The following AFG2A variants were observed in gnomAD, a reference collection of about 807,000 sequenced individuals.
AFG2A encodes AAA ATPase AFG2A.
At chr4:123,155,875 A>G in the AFG2A span, among the ~76,000 whole-genome samples, 1 of 152,152 alleles carries the variant, frequency 6.6e-6, no homozygotes, top group South Asian at 2.1e-4. Flanking sequence ...GCATAGTTTG[A>G]TTTTGTTTTA....
At chr4:122,941,982 C>T in the AFG2A span, among the ~76,000 whole-genome samples, 1 of 151,996 alleles carries the variant, frequency 6.6e-6, no homozygotes, top group Admixed American at 6.6e-5. Flanking sequence ...AGGGATGAAG[C>T]CCGCTTGATC....
chr4:122,961,033 G>C, the AFG2A span, among the ~76,000 whole-genome samples: 1 of 152,184 alleles, frequency 6.6e-6, no homozygotes, highest in Non-Finnish European at 1.5e-5. Flanking sequence ...ACATTCAGAT[G>C]CTATCATTAT....
chr4:123,247,783 C>CA, the AFG2A span, among the ~76,000 whole-genome samples: 2 of 151,940 alleles, frequency 1.3e-5, no homozygotes, highest in African/African-American at 2.4e-5. Context: ...TCTGCTTTTC[C>CA]AAAAAAGTTT....
the AFG2A span, among the ~76,000 whole-genome samples, chr4:123,124,569 A>T: frequency 2.0e-5 from 3 of 152,162 alleles, no homozygotes; most frequent in Non-Finnish European, 4.4e-5. Context: ...GCACACCAAC[A>T]TGGCACATGT....
At chr4:122,979,702 A>G in the AFG2A span, among the ~76,000 whole-genome samples, 3 of 152,246 alleles carry the variant, frequency 2.0e-5, no homozygotes, top group Admixed American at 2.0e-4. Context: ...CAGGAGTTTG[A>G]GACCAGCCTG....
chr4:123,063,915 C>T, the AFG2A span, among the ~76,000 whole-genome samples: 4 of 152,070 alleles, frequency 2.6e-5, no homozygotes, highest in South Asian at 2.1e-4. Flanking sequence ...TGGTAATTAG[C>T]CATGAAGCAG....
At chr4:123,112,671 T>A in the AFG2A span, among the ~76,000 whole-genome samples, 12 of 152,166 alleles carry the variant, frequency 7.9e-5, no homozygotes, top group Non-Finnish European at 1.6e-4. Context: ...GATAATGAAT[T>A]TTTTTTATAT....
the AFG2A span, among the ~76,000 whole-genome samples, chr4:123,095,293 AT>A: frequency 2.0e-5 from 3 of 151,682 alleles, no homozygotes; most frequent in East Asian, 5.8e-4. Context: ...TGGAACATGA[AT>A]TTTTTTTAAC....
At chr4:123,180,528 A>G in the AFG2A span, among the ~76,000 whole-genome samples, 1 of 152,096 alleles carries the variant, frequency 6.6e-6, no homozygotes, top group African/African-American at 2.4e-5. Flanking sequence ...AGGTAAGCTA[A>G]ATTCTTATTT....
At chr4:123,093,774 G>T in the AFG2A span, among the ~76,000 whole-genome samples, 1 of 152,110 alleles carries the variant, frequency 6.6e-6, no homozygotes, top group African/African-American at 2.4e-5. Flanking sequence ...CCAACAGCAG[G>T]ATATTTTCAT....
At chr4:123,161,310 A>G in the AFG2A span, among the ~76,000 whole-genome samples, 2 of 152,218 alleles carry the variant, frequency 1.3e-5, no homozygotes, top group East Asian at 1.9e-4. Flanking sequence ...AGCTTAAGAC[A>G]TAAAACTAAT....
chr4:123,132,844 G>A, the AFG2A span, among the ~76,000 whole-genome samples: 4 of 147,916 alleles, frequency 2.7e-5, no homozygotes, highest in South Asian at 2.1e-4. Flanking sequence ...GCAGTGGTGC[G>A]ATCTTGGCTC....
At chr4:123,057,764 C>G in the AFG2A span, among the ~76,000 whole-genome samples, 2 of 152,074 alleles carry the variant, frequency 1.3e-5, no homozygotes, top group Non-Finnish European at 2.9e-5. Context: ...TCCAAAATCT[C>G]AGGCAGTAAA....
At chr4:123,124,263 A>T in the AFG2A span, among the ~76,000 whole-genome samples, 4 of 152,328 alleles carry the variant, frequency 2.6e-5, no homozygotes, top group Middle Eastern at 3.4e-3. Context: ...GATAGACTGG[A>T]TTAAGAAAAT....
chr4:122,945,281 T>C, the AFG2A span, among the ~76,000 whole-genome samples: 6 of 152,354 alleles, frequency 3.9e-5, no homozygotes, highest in African/African-American at 1.4e-4. Flanking sequence ...TGAGCTGTGG[T>C]GGGCTCCACC....
chr4:123,107,018 T>C, the AFG2A span, among the ~76,000 whole-genome samples: 3 of 152,152 alleles, frequency 2.0e-5, no homozygotes, highest in African/African-American at 4.8e-5. Flanking sequence ...CCAGATGTAC[T>C]GCACACATCT....
chr4:123,077,090 C>T, the AFG2A span, among the ~76,000 whole-genome samples: 3 of 147,026 alleles, frequency 2.0e-5, no homozygotes, highest in South Asian at 6.7e-4. Context: ...CTTTGTTGCC[C>T]AGGCTGGAGT....
chr4:123,206,124 C>G, the AFG2A span, among the ~76,000 whole-genome samples: 1 of 152,150 alleles, frequency 6.6e-6, no homozygotes, highest in South Asian at 2.1e-4. Flanking sequence ...GGTTGATACA[C>G]TCAGAGGACT....
chr4:122,947,847 TATCA>T, the AFG2A span, among the ~76,000 whole-genome samples: 3 of 152,092 alleles, frequency 2.0e-5, no homozygotes, highest in Admixed American at 6.5e-5. Context: ...AAAAATATAG[TATCA>T]CAACTACAGT....
Sources: allele counts gnomAD v4.1 joint callset (sites outside exome capture counted in the v4.1 genomes callset), GRCh38; gene constraint gnomAD v4.1.1; transcripts MANE v1.5; gene names NCBI Gene and HGNC (gene_info 2026-07-23, HGNC 2026-07-21).